MAGI1: variants seen among roughly 807,000 people sequenced by gnomAD.
MAGI1 encodes the protein membrane associated guanylate kinase, WW and PDZ domain containing 1, also known as membrane-associated guanylate kinase, WW and PDZ domain-containing protein 1.
MAGI1 carries 58 observed loss-of-function variants against 139.9 expected under a neutral mutation model. The ratio of observed to expected loss-of-function variants is 0.41; its 90% CI spans 0.34 to 0.52. The LOEUF is 0.52. Ranked by LOEUF, MAGI1 falls within the 20% of genes least tolerant of loss-of-function variation. The pLI, the probability that MAGI1 is intolerant of heterozygous loss-of-function variation, is 0.12. For missense variants in MAGI1, 1,874 were observed against 1,901.6 expected (o/e 0.99, Z 0.27); for synonymous variants, 812 against 737.9 (o/e 1.10, Z -1.63).
At chr3:65,927,108 C>A (rs1470424369) in intron 1 of MAGI1, among the ~76,000 whole-genome samples, 1 of 152,198 alleles carries the variant, frequency 6.6e-6, no homozygotes, top group East Asian at 1.9e-4. Flanking sequence ...AAGAAATAAC[C>A]ATAAAGATGG....
rs116985947 is a variant in MAGI1, at chr3:65,499,711, T to G, written c.431-6080A>C. Among the ~76,000 whole-genome samples, 3 of 152,314 alleles carry G rather than the reference T, an allele frequency of 2.0e-5. No individual in the cohort carries two copies. In the East Asian group the frequency reaches 5.8e-4, roughly 29 times the overall value. ...TGAAGTGATATAAACAAATTACAGA[T>G]TAAGATGTAAACTATCACTGCATTT... is the stretch of plus-strand genomic sequence containing the variant. On this transcript the variant is annotated intron_variant, in intron 2 of 22. Coordinates refer to ENST00000402939, the MANE Select transcript of MAGI1 (RefSeq NM_001033057.2).
At chr3:65,781,717 T>C (rs759904300) in intron 1 of MAGI1, among the ~76,000 whole-genome samples, 13 of 152,252 alleles carry the variant, frequency 8.5e-5, no homozygotes, top group African/African-American at 1.4e-4. Context: ...AAATAGCTTC[T>C]GGCCAATAAT....
chr3:65,448,929 T>C (rs1948845204), intron 6 of MAGI1, among the ~76,000 whole-genome samples: 1 of 152,110 alleles, frequency 6.6e-6, no homozygotes. Flanking sequence ...TCAGGGCAAG[T>C]GGCTCCTATA....
intron 1 of MAGI1, among the ~76,000 whole-genome samples, chr3:65,816,176 A>G (rs1434082721): frequency 1.3e-5 from 2 of 152,074 alleles, no homozygotes; most frequent in East Asian, 1.9e-4. Context: ...ATGTAGAGTC[A>G]TGGTTGGAAA....
intron 1 of MAGI1, among the ~76,000 whole-genome samples, chr3:65,693,680 G>C (rs916169508): frequency 1.3e-5 from 2 of 150,284 alleles, no homozygotes; most frequent in African/African-American, 2.4e-5. Flanking sequence ...ATTCTGACAG[G>C]GTATCCATAT....
chr3:65,852,901 C>T (rs893804546), intron 1 of MAGI1, among the ~76,000 whole-genome samples: 5 of 150,190 alleles, frequency 3.3e-5, no homozygotes, highest in South Asian at 2.1e-4. Flanking sequence ...TTTCGGAAGC[C>T]GAGGTGGGCA....
intron 2 of MAGI1, among the ~76,000 whole-genome samples, chr3:65,530,740 T>TATACAC (rs1559642646): frequency 2.1e-5 from 2 of 97,520 alleles, no homozygotes; most frequent in African/African-American, 4.3e-5. Flanking sequence ...TATATATATA[T>TATACAC]GCACATATAT....
At chr3:65,379,211 A>G (rs1942836011) in intron 17 of MAGI1, 50 bp downstream of exon 17, 1 of 1,606,092 alleles carries the variant, frequency 6.2e-7, no homozygotes, top group African/African-American at 1.3e-5. Flanking sequence ...GAGAACAAAA[A>G]CTCCCAGGCA....
chr3:65,489,508 G>A (rs148866317), intron 3 of MAGI1, among the ~76,000 whole-genome samples: 1 of 152,208 alleles, frequency 6.6e-6, no homozygotes, highest in African/African-American at 2.4e-5. Flanking sequence ...AGAAGGGGGA[G>A]GTGAGGCAGG....
At chr3:65,690,365 G>A (rs2088471876) in intron 1 of MAGI1, among the ~76,000 whole-genome samples, 1 of 152,208 alleles carries the variant, frequency 6.6e-6, no homozygotes, top group Non-Finnish European at 1.5e-5. Context: ...GACAGTTGGA[G>A]TTGGCTTTCT....
chr3:65,592,593 T>C (rs2082017846), intron 2 of MAGI1, among the ~76,000 whole-genome samples: 1 of 152,134 alleles, frequency 6.6e-6, no homozygotes, highest in South Asian at 2.1e-4. Flanking sequence ...TAGAGTGTGA[T>C]AGCATCTTCT....
chr3:65,887,222 G>C (rs190276195), intron 1 of MAGI1, among the ~76,000 whole-genome samples: 2 of 152,114 alleles, frequency 1.3e-5, no homozygotes, highest in African/African-American at 2.4e-5. Context: ...TGGAGGATTA[G>C]AATTTTAGGT....
chr3:65,989,274 C>T (rs1013117849), intron 1 of MAGI1, among the ~76,000 whole-genome samples: 3 of 152,196 alleles, frequency 2.0e-5, no homozygotes, highest in African/African-American at 7.2e-5. Flanking sequence ...TATTTGACCA[C>T]ATTCTCAGCT....
intron 2 of MAGI1, among the ~76,000 whole-genome samples, chr3:65,590,445 T>C (rs986777034): frequency 1.3e-5 from 2 of 152,250 alleles, no homozygotes; most frequent in African/African-American, 4.8e-5. Flanking sequence ...GAAATCTGAA[T>C]TCACTCGGTG....
chr3:65,876,377 G>A (rs1023361434), intron 1 of MAGI1, among the ~76,000 whole-genome samples: 1 of 151,966 alleles, frequency 6.6e-6, no homozygotes, highest in African/African-American at 2.4e-5. Flanking sequence ...TATAATTATA[G>A]TGTCCTATGT....
At chr3:65,812,462 T>A (rs554622340) in intron 1 of MAGI1, among the ~76,000 whole-genome samples, 8,202 of 93,256 alleles carry the variant, frequency 0.088, 352 homozygotes, top group African/African-American at 0.18. Context: ...TCTCTCTCTC[T>A]CTCTCTCACA....
At chr3:65,466,811 C>T (rs1950202212) in intron 5 of MAGI1, among the ~76,000 whole-genome samples, 1 of 152,186 alleles carries the variant, frequency 6.6e-6, no homozygotes, top group African/African-American at 2.4e-5. Flanking sequence ...TACACTTGGC[C>T]TTTTCTGACG....
At chr3:65,461,941 TC>T (rs1360464262) in intron 5 of MAGI1, among the ~76,000 whole-genome samples, 1 of 152,222 alleles carries the variant, frequency 6.6e-6, no homozygotes, top group Non-Finnish European at 1.5e-5. Context: ...AAGTGTCTGT[TC>T]ATATCCTTTG....
chr3:65,849,554 T>C (rs1443460858), intron 1 of MAGI1, among the ~76,000 whole-genome samples: 1 of 151,162 alleles, frequency 6.6e-6, no homozygotes, highest in Non-Finnish European at 1.5e-5. Context: ...TATATACACA[T>C]ATATATATCT....
Sources: gnomAD v4.1 joint callset for allele counts (sites outside exome capture counted in the v4.1 genomes callset) on GRCh38, gnomAD v4.1.1 for gene constraint, MANE v1.5 for transcripts, NCBI Gene and HGNC (gene_info 2026-07-23, HGNC 2026-07-21) for gene names.